The following PGAP4 variants were observed in gnomAD, a reference collection of about 807,000 sequenced individuals.
PGAP4 encodes post-GPI attachment to proteins GalNAc transferase 4.
In PGAP4, 12 loss-of-function variants were observed where a neutral mutation model predicts 28.2. The observed-to-expected ratio is 0.42, with a 90% CI of 0.27 to 0.69. The LOEUF is 0.69. PGAP4 is among the 30% of genes least tolerant of loss of function. The pLI is 0.22. For missense variants in PGAP4, 425 were observed against 513.5 expected (o/e 0.83, Z 1.67); for synonymous variants, 205 against 211.8 (o/e 0.97, Z 0.28).
chr9:101,510,473 T>C (rs922737002), intron 2 of PGAP4, among the ~76,000 whole-genome samples: 9 of 152,154 alleles, frequency 5.9e-5, no homozygotes, highest in African/African-American at 2.2e-4. Context: ...GAAGGTTTCA[T>C]GGCTTTGTTG....
upstream of PGAP4, among the ~76,000 whole-genome samples, chr9:101,489,559 T>C (rs1375522842): frequency 6.6e-6 from 1 of 152,196 alleles, no homozygotes; most frequent in Non-Finnish European, 1.5e-5. Context: ...ATGGGACCTG[T>C]CACTAATGGA....
At chr9:101,496,819 A>C (rs1003082878) in intron 2 of PGAP4, among the ~76,000 whole-genome samples, 2 of 150,780 alleles carry the variant, frequency 1.3e-5, no homozygotes, top group Admixed American at 6.6e-5. Context: ...CATGTTTTAC[A>C]TTCTTTGAAT....
chr9:101,517,225 G>A (rs1048720231), intron 2 of PGAP4, among the ~76,000 whole-genome samples: 1 of 152,012 alleles, frequency 6.6e-6, no homozygotes, highest in Admixed American at 6.6e-5. Flanking sequence ...CTGCTGAAAT[G>A]AGAAAAGCAA....
intron 1 of PGAP4, among the ~76,000 whole-genome samples, chr9:101,483,096 C>T (rs1160072640): frequency 2.6e-5 from 4 of 152,198 alleles, no homozygotes; most frequent in Admixed American, 6.5e-5. Flanking sequence ...CCTTGACTTA[C>T]GATCTGATTG....
chr9:101,497,836 A>T lies in PGAP4; in HGVS notation c.-164-8636T>A, dbSNP rs190459966. 4.5e-3 allele frequency among the ~76,000 whole-genome samples: 686 copies of T among 151,896 alleles called. 7 individuals carry two copies. The highest frequency in any genetic ancestry group is 0.015 in the African/African-American group (624 of 41,540). On this transcript the variant is annotated intron_variant, in intron 2 of 3. Transcript: ENST00000374851. Reference sequence around the variant, plus strand: ...TGGGTCAACTAAGCCAGATTTTGCCATGTAGACACAACATACAACACAATA... The same window carrying T: ...TGGGTCAACTAAGCCAGATTTTGCCTTGTAGACACAACATACAACACAATA...
intron 2 of PGAP4, among the ~76,000 whole-genome samples, chr9:101,515,778 A>G (rs751347548): frequency 1.3e-5 from 2 of 152,198 alleles, no homozygotes; most frequent in Non-Finnish European, 2.9e-5. Context: ...TGTGAAAAAT[A>G]TCAAGAATAT....
chr9:101,508,735 T>C (rs1031707874), intron 2 of PGAP4, among the ~76,000 whole-genome samples: 7 of 152,154 alleles, frequency 4.6e-5, no homozygotes, highest in African/African-American at 1.4e-4. Flanking sequence ...TATTACATTG[T>C]ATTACATAAT....
At chr9:101,496,145 A>G (rs977417655) in intron 2 of PGAP4, among the ~76,000 whole-genome samples, 1 of 151,578 alleles carries the variant, frequency 6.6e-6, no homozygotes, top group Admixed American at 6.6e-5. Flanking sequence ...GTTACACTGG[A>G]GGAAAATATT....
intron 2 of PGAP4, among the ~76,000 whole-genome samples, chr9:101,508,947 G>A (rs1314228621): frequency 6.6e-6 from 1 of 152,106 alleles, no homozygotes; most frequent in Non-Finnish European, 1.5e-5. Context: ...TGTTAGAAAT[G>A]GAAACAGGCT....
At chr9:101,527,910 T>A (rs1827049656) in intron 2 of PGAP4, among the ~76,000 whole-genome samples, 1 of 152,200 alleles carries the variant, frequency 6.6e-6, no homozygotes, top group South Asian at 2.1e-4. Flanking sequence ...TCATCTTGAC[T>A]GCCCATTGGG....
chr9:101,507,540 C>CT (rs1267257483), intron 2 of PGAP4, among the ~76,000 whole-genome samples: 5 of 152,090 alleles, frequency 3.3e-5, no homozygotes, highest in Non-Finnish European at 7.4e-5. Context: ...TCTTGAACCC[C>CT]TAAAAGCTCA....
At chr9:101,507,004 T>G (rs544570547) in intron 2 of PGAP4, among the ~76,000 whole-genome samples, 1 of 152,214 alleles carries the variant, frequency 6.6e-6, no homozygotes, top group South Asian at 2.1e-4. Context: ...TCTAAGTGGT[T>G]TACAGTGGTA....
rs1826308442 is a variant in PGAP4 at position 101,476,351 on chromosome 9, G to T, written c.742C>A (p.Pro248Thr). 1 of 1,614,102 alleles carries T rather than the reference G, an allele frequency of 6.2e-7. No homozygotes were observed. The highest frequency in any genetic ancestry group is 1.1e-5 in the South Asian group (1 of 91,074). ...TTGATGTAGTGCTGGAGCCTCTCGG[G>T]GTGATACAGCTTGAGATAAAGGGCA... The part of the protein sequence containing the change: ...RDALYLKLYH[P>T]ERLQHYINPE... Residue 248 changes from proline (P) to threonine (T), a missense_variant, in exon 2 of 2, where the codon CCC (proline) becomes ACC (threonine). Coordinates refer to ENST00000374848, the MANE Select transcript of PGAP4 (RefSeq NM_032342.3). The surrounding 1 kb of genome is among the most constrained non-coding windows in gnomAD (Gnocchi z 7.0).
chr9:101,483,526 G>C (rs1205593559), intron 1 of PGAP4, among the ~76,000 whole-genome samples: 1 of 151,960 alleles, frequency 6.6e-6, no homozygotes, highest in Admixed American at 6.6e-5. Flanking sequence ...CATAAATTTG[G>C]AGCCCAGGAA....
At chr9:101,527,452 A>G (rs1027887302) in intron 2 of PGAP4, among the ~76,000 whole-genome samples, 17 of 152,278 alleles carry the variant, frequency 1.1e-4, no homozygotes, top group African/African-American at 3.6e-4. Flanking sequence ...CTGATATACT[A>G]TATCAGTTAT....
intron 2 of PGAP4, among the ~76,000 whole-genome samples, chr9:101,495,140 GATTTTATATATATTATAT>G (rs542508374): frequency 0.083 from 8,585 of 103,608 alleles, 398 homozygotes; most frequent in Non-Finnish European, 0.09. Flanking sequence ...ATTTCTATAA[GATTTTATATATATTATAT>G]ATTTTATATA....
chr9:101,480,034 A>G (rs546073660), intron 1 of PGAP4: 9 of 152,198 alleles, frequency 5.9e-5, no homozygotes, highest in African/African-American at 1.7e-4. Flanking sequence ...GAAGGAGGGG[A>G]AAATGAAGAT....
At chr9:101,501,902 T>C in intron 2 of PGAP4, 1 of 400,640 alleles carries the variant, frequency 2.5e-6, no homozygotes, top group Admixed American at 2.9e-5. Context: ...GGCAGAGGCC[T>C]CCGATTGGAA....
At chr9:101,510,750 G>A (rs576770657) in intron 2 of PGAP4, among the ~76,000 whole-genome samples, 6 of 152,218 alleles carry the variant, frequency 3.9e-5, no homozygotes, top group South Asian at 4.2e-4. Flanking sequence ...TACACAATGC[G>A]GGAAAGAGTC....
Sources: gnomAD v4.1 joint callset for allele counts (sites outside exome capture counted in the v4.1 genomes callset) on GRCh38, gnomAD v4.1.1 for gene constraint, Gnocchi (gnomAD v3.1) non-coding constraint, MANE v1.5 for transcripts, NCBI Gene and HGNC (gene_info 2026-07-23, HGNC 2026-07-21) for gene names.